Variants in ITGA9 observed in about 807,000 individuals in gnomAD.
ITGA9 encodes integrin subunit alpha 9.
Under a neutral mutation model 127.8 loss-of-function variants are expected in ITGA9, and 56 were observed. The observed-to-expected ratio is 0.44, with a 90% CI of 0.35 to 0.55. The LOEUF (loss-of-function observed/expected upper bound fraction) is 0.55, where lower values mean the gene tolerates loss of function less well. Ranked by LOEUF, ITGA9 falls within the 20% of genes least tolerant of loss-of-function variation. ITGA9 has a pLI of 0.00. For synonymous variants in ITGA9, 508 were observed against 514.5 expected (o/e 0.99, Z 0.17); for missense variants, 1,196 against 1,347.1 (o/e 0.89, Z 1.76).
At chr3:37,697,504 G>A (rs962811529) in intron 18 of ITGA9, among the ~76,000 whole-genome samples, 1 of 150,420 alleles carries the variant, frequency 6.6e-6, no homozygotes, top group African/African-American at 2.5e-5. Flanking sequence ...CCCCACGACA[G>A]GCCCCCATGT....
chr3:37,526,578 T>TG (rs1386463122), intron 13 of ITGA9, among the ~76,000 whole-genome samples: 1 of 152,132 alleles, frequency 6.6e-6, no homozygotes, highest in Non-Finnish European at 1.5e-5. Flanking sequence ...GCTGCAGAGG[T>TG]GAGGGACATG....
At chr3:37,700,807 T>C (rs1472434457) in intron 18 of ITGA9, among the ~76,000 whole-genome samples, 3 of 152,260 alleles carry the variant, frequency 2.0e-5, no homozygotes, top group Non-Finnish European at 4.4e-5. Flanking sequence ...TTATGAGCAC[T>C]CTTTCAATTA....
At chr3:37,495,974 C>T (rs1394193186) in intron 5 of ITGA9, among the ~76,000 whole-genome samples, 1 of 152,120 alleles carries the variant, frequency 6.6e-6, no homozygotes, top group Non-Finnish European at 1.5e-5. Context: ...CTCCCTGAGG[C>T]CACCTCTCTC....
At chr3:37,674,570 G>A (rs916833681) in intron 17 of ITGA9, among the ~76,000 whole-genome samples, 4 of 152,238 alleles carry the variant, frequency 2.6e-5, no homozygotes, top group African/African-American at 9.6e-5. Context: ...TTCAACAAGG[G>A]TGGTATCTTG....
intron 15 of ITGA9, among the ~76,000 whole-genome samples, chr3:37,622,124 TTTTG>T (rs1252381389): frequency 6.9e-6 from 1 of 145,678 alleles, no homozygotes; most frequent in East Asian, 2.1e-4. Context: ...TAATTTAAAT[TTTTG>T]TTTGTTTACT....
chr3:37,699,711 C>G (rs1218176985), intron 18 of ITGA9, among the ~76,000 whole-genome samples: 1 of 152,186 alleles, frequency 6.6e-6, no homozygotes, highest in African/African-American at 2.4e-5. Flanking sequence ...AAGATCTGAC[C>G]CCGTTGCTGC....
intron 15 of ITGA9, among the ~76,000 whole-genome samples, chr3:37,566,045 CTCTG>C (rs1253774856): frequency 6.6e-6 from 1 of 152,228 alleles, no homozygotes; most frequent in Non-Finnish European, 1.5e-5. Context: ...CTCCTATTGT[CTCTG>C]TCTCTCTATA....
chr3:37,564,955 C>T (rs1292982123), intron 15 of ITGA9, among the ~76,000 whole-genome samples: 1 of 152,198 alleles, frequency 6.6e-6, no homozygotes, highest in Non-Finnish European at 1.5e-5. Context: ...AGGGTTTGAA[C>T]AAAATGGGCC....
chr3:37,706,113 C>A (rs186105239), intron 18 of ITGA9, among the ~76,000 whole-genome samples: 21 of 152,302 alleles, frequency 1.4e-4, no homozygotes, highest in Non-Finnish European at 2.2e-4. Context: ...TTTGGCTTTG[C>A]AGAGTGAGGA....
At chr3:37,781,906 A>G (rs1237509169) in intron 25 of ITGA9, among the ~76,000 whole-genome samples, 1 of 152,162 alleles carries the variant, frequency 6.6e-6, no homozygotes, top group Non-Finnish European at 1.5e-5. Context: ...AGAGCTGTGC[A>G]TAGTTCTGGT....
chr3:37,626,117 A>G (rs939822387), intron 15 of ITGA9, among the ~76,000 whole-genome samples: 27 of 152,196 alleles, frequency 1.8e-4, no homozygotes, highest in Middle Eastern at 3.4e-3. Flanking sequence ...TCAAGCCCCT[A>G]TTTCTTAATT....
intron 4 of ITGA9, 46 bp downstream of exon 4, chr3:37,481,653 C>G (rs1406744232): frequency 1.9e-5 from 31 of 1,611,724 alleles, no homozygotes; most frequent in Non-Finnish European, 2.5e-5. Context: ...CACCTCATGC[C>G]CTAAGCCCGC....
chr3:37,682,932 G>A (rs1216831620), intron 17 of ITGA9, among the ~76,000 whole-genome samples: 1 of 152,060 alleles, frequency 6.6e-6, no homozygotes, highest in Non-Finnish European at 1.5e-5. Flanking sequence ...TCCTACTCAG[G>A]CCCCCTGTTC....
At chr3:37,717,552 A>G (rs1183876281) in intron 18 of ITGA9, among the ~76,000 whole-genome samples, 1 of 152,196 alleles carries the variant, frequency 6.6e-6, no homozygotes, top group Non-Finnish European at 1.5e-5. Flanking sequence ...AACGGAAGCA[A>G]GAACCTTCTT....
rs1698960707 is a variant in ITGA9, at chr3:37,514,042, T to A, written c.1035+142T>A. ...GAAAATATGTGATATCTGTCTTGAA[T>A]AAGCTCAATGGCCCATTAATGGAAA... is the stretch of plus-strand genomic sequence containing the variant. On this transcript the variant is annotated intron_variant, in intron 9 of 27. Coordinates refer to ENST00000264741, the MANE Select transcript of ITGA9 (RefSeq NM_002207.3). The A allele has an allele frequency of 3.5e-5, 35 of 989,662 alleles. No individual in the cohort carries two copies. The South Asian group carries it at 4.9e-4, about 14-fold the overall frequency. The allele number at this position is 989,662 out of a possible 1,614,324, so 61.3% of individuals were successfully genotyped here.
chr3:37,589,871 C>T (rs569679981), intron 15 of ITGA9, among the ~76,000 whole-genome samples: 31 of 152,090 alleles, frequency 2.0e-4, no homozygotes, highest in African/African-American at 5.1e-4. Context: ...TTGCAAAGTA[C>T]GGAGGGGACA....
intron 18 of ITGA9, among the ~76,000 whole-genome samples, chr3:37,711,863 C>A (rs1453789075): frequency 1.3e-5 from 2 of 152,188 alleles, no homozygotes; most frequent in Non-Finnish European, 2.9e-5. Context: ...CTTGGCCCTC[C>A]AGAGTCCAGC....
At chr3:37,551,672 G>A (rs983394442) in intron 15 of ITGA9, among the ~76,000 whole-genome samples, 7 of 152,174 alleles carry the variant, frequency 4.6e-5, no homozygotes, top group Non-Finnish European at 1.0e-4. Context: ...CAATAAGTGG[G>A]ATCCACATGG....
At chr3:37,544,531 C>G (rs1022865466) in intron 15 of ITGA9, among the ~76,000 whole-genome samples, 4 of 152,168 alleles carry the variant, frequency 2.6e-5, no homozygotes, top group Non-Finnish European at 5.9e-5. Context: ...GCTGATCTTC[C>G]TCTACCCAAC....
Sources: allele counts gnomAD v4.1 joint callset (sites outside exome capture counted in the v4.1 genomes callset), GRCh38; gene constraint gnomAD v4.1.1; transcripts MANE v1.5; gene names NCBI Gene and HGNC (gene_info 2026-07-23, HGNC 2026-07-21).